The following HS6ST3 variants were observed in gnomAD, a reference collection of about 807,000 sequenced individuals.
HS6ST3 encodes the protein heparan sulfate 6-O-sulfotransferase 3, also known as heparan-sulfate 6-O-sulfotransferase 3.
In HS6ST3, 12 loss-of-function variants were observed where a neutral mutation model predicts 36.7. The observed-to-expected ratio is 0.33, with a 90% CI of 0.21 to 0.53. The LOEUF (loss-of-function observed/expected upper bound fraction) is 0.53. Ranked by LOEUF, HS6ST3 falls within the 20% of genes least tolerant of loss-of-function variation. HS6ST3 has a pLI of 0.95. For missense variants in HS6ST3, 584 were observed against 640.9 expected, an observed-to-expected ratio of 0.91 and a Z score of 0.96; for synonymous variants, 240 against 257.5, an observed-to-expected ratio of 0.93 and a Z score of 0.65.
intron 1 of HS6ST3, among the ~76,000 whole-genome samples, chr13:96,305,800 G>T (rs1325831290): frequency 6.7e-6 from 1 of 149,208 alleles, no homozygotes; most frequent in Non-Finnish European, 1.5e-5. Context: ...TACTTGCTTT[G>T]ATATATATTG....
At chr13:96,739,593 A>G (rs932788360) in intron 1 of HS6ST3, among the ~76,000 whole-genome samples, 5 of 152,100 alleles carry the variant, frequency 3.3e-5, no homozygotes, top group African/African-American at 1.2e-4. Context: ...CATCCAAGCC[A>G]TGGTCTGTTC....
intron 1 of HS6ST3, among the ~76,000 whole-genome samples, chr13:96,312,841 A>G (rs1214533798): frequency 6.7e-6 from 1 of 150,258 alleles, no homozygotes; most frequent in Non-Finnish European, 1.5e-5. Context: ...AATCCCAGCT[A>G]CTTAGGAGGC....
At chr13:96,777,084 CA>C (rs764830364) in intron 1 of HS6ST3, among the ~76,000 whole-genome samples, 1 of 152,150 alleles carries the variant, frequency 6.6e-6, no homozygotes, top group Non-Finnish European at 1.5e-5. Flanking sequence ...GAACCAATGA[CA>C]AAAACCACAT....
At chr13:96,390,035 G>A (rs1281072540) in intron 1 of HS6ST3, among the ~76,000 whole-genome samples, 2 of 151,980 alleles carry the variant, frequency 1.3e-5, no homozygotes, top group Non-Finnish European at 2.9e-5. Flanking sequence ...TAGTATATAT[G>A]ACATAAATGA....
rs78781234 is a variant in HS6ST3, at chr13:96,549,995, C to T, written c.708-282495C>T. The stretch of plus-strand genomic sequence containing the variant: ...TGTATGTTCTCTATTTCCACATTTG[C>T]CTTTCTGCAACAACAGTGCCTTTAA... On this transcript the variant is annotated intron_variant, in intron 1 of 1. Coordinates refer to ENST00000376705, the MANE Select transcript of HS6ST3 (RefSeq NM_153456.4). Among the ~76,000 whole-genome samples the T allele has an allele frequency of 3.2e-3, 480 of 152,270 alleles. 1 individual carries two copies. The highest frequency in any genetic ancestry group is 0.011 in the African/African-American group (460 of 41,548).
intron 1 of HS6ST3, among the ~76,000 whole-genome samples, chr13:96,812,151 AC>A (rs1878328614): frequency 6.6e-6 from 1 of 152,124 alleles, no homozygotes; most frequent in Non-Finnish European, 1.5e-5. Context: ...TCAATCTGCC[AC>A]CCACACAAGA....
At chr13:96,633,528 A>G (rs1319100490) in intron 1 of HS6ST3, among the ~76,000 whole-genome samples, 1 of 152,198 alleles carries the variant, frequency 6.6e-6, no homozygotes, top group Non-Finnish European at 1.5e-5. Context: ...TAGAGGTATA[A>G]TGGACTCAGA....
At chr13:96,709,109 G>T (rs1875499300) in intron 1 of HS6ST3, among the ~76,000 whole-genome samples, 1 of 152,124 alleles carries the variant, frequency 6.6e-6, no homozygotes, top group Non-Finnish European at 1.5e-5. Flanking sequence ...TCTTGTGATA[G>T]TGAGTGAGTT....
intron 1 of HS6ST3, among the ~76,000 whole-genome samples, chr13:96,599,363 C>T (rs2056413296): frequency 1.3e-5 from 2 of 152,018 alleles, no homozygotes; most frequent in African/African-American, 4.8e-5. Flanking sequence ...CTGATTCAGG[C>T]TTGGAAGATC....
chr13:96,423,625 T>G (rs771334930), intron 1 of HS6ST3, among the ~76,000 whole-genome samples: 19 of 151,634 alleles, frequency 1.3e-4, no homozygotes, highest in Non-Finnish European at 2.2e-4. Flanking sequence ...AGGTGCAAAG[T>G]CTCTGTGGAA....
At chr13:96,699,171 A>T (rs1875213729) in intron 1 of HS6ST3, among the ~76,000 whole-genome samples, 1 of 152,200 alleles carries the variant, frequency 6.6e-6, no homozygotes, top group Non-Finnish European at 1.5e-5. Context: ...AGGCAATACC[A>T]TTCAGGACAT....
chr13:96,185,941 T>TA (rs777069372), intron 1 of HS6ST3, among the ~76,000 whole-genome samples: 4 of 152,098 alleles, frequency 2.6e-5, no homozygotes, highest in South Asian at 4.1e-4. Flanking sequence ...GCTGAGGTGC[T>TA]AAAAAAAGTG....
At chr13:96,247,675 C>T (rs959398564) in intron 1 of HS6ST3, among the ~76,000 whole-genome samples, 18 of 152,212 alleles carry the variant, frequency 1.2e-4, no homozygotes, top group African/African-American at 4.3e-4. Context: ...CCCCTTCCTT[C>T]CTTTCTCTCT....
At chr13:96,694,579 T>C (rs1359046315) in intron 1 of HS6ST3, among the ~76,000 whole-genome samples, 1 of 152,326 alleles carries the variant, frequency 6.6e-6, no homozygotes, top group African/African-American at 2.4e-5. Flanking sequence ...CTGGTTCAAA[T>C]AGTAGTTCTG....
intron 1 of HS6ST3, among the ~76,000 whole-genome samples, chr13:96,662,568 G>A (rs1594830450): frequency 6.7e-6 from 1 of 149,240 alleles, no homozygotes; most frequent in East Asian, 2.0e-4. Context: ...CTTTCTCTTG[G>A]ATCTCATTGA....
chr13:96,658,548 G>T (rs1234150564), intron 1 of HS6ST3, among the ~76,000 whole-genome samples: 4 of 149,094 alleles, frequency 2.7e-5, no homozygotes, highest in Non-Finnish European at 5.9e-5. Flanking sequence ...CTCCCAAAGT[G>T]CTGGGATTAC....
At chr13:96,549,151 C>T (rs1429316863) in intron 1 of HS6ST3, among the ~76,000 whole-genome samples, 3 of 152,166 alleles carry the variant, frequency 2.0e-5, no homozygotes, top group African/African-American at 7.2e-5. Context: ...TATCCCAAAG[C>T]AGGGGGCTGG....
At chr13:96,382,078 A>G (rs1384960575) in intron 1 of HS6ST3, among the ~76,000 whole-genome samples, 1 of 152,140 alleles carries the variant, frequency 6.6e-6, no homozygotes, top group East Asian at 1.9e-4. Context: ...GTGGGCTGAC[A>G]GGGAACAGGA....
At chr13:96,230,309 A>T (rs533284174) in intron 1 of HS6ST3, among the ~76,000 whole-genome samples, 1 of 152,264 alleles carries the variant, frequency 6.6e-6, no homozygotes, top group Non-Finnish European at 1.5e-5. Context: ...TTAGAAAGGC[A>T]TTGAGGCTTG....
Sources: allele counts gnomAD v4.1 joint callset (sites outside exome capture counted in the v4.1 genomes callset), GRCh38; gene constraint gnomAD v4.1.1; transcripts MANE v1.5; gene names NCBI Gene and HGNC (gene_info 2026-07-23, HGNC 2026-07-21).